The following SDK2 variants were observed in gnomAD, a reference collection of about 807,000 sequenced individuals.
SDK2 encodes protein sidekick-2.
A neutral mutation model predicts 253.9 loss-of-function variants in SDK2; 105 were observed. That is an observed-to-expected ratio of 0.41 (90% CI 0.35 to 0.49). SDK2 has a LOEUF of 0.49. Among genes scored for constraint, SDK2 ranks in the 20% least tolerant of loss-of-function variants. The pLI, the probability that SDK2 is intolerant of heterozygous loss-of-function variation, is 0.06. For synonymous variants in SDK2, 1,249 were observed against 1,234.9 expected, an observed-to-expected ratio of 1.01 and a Z score of -0.24; for missense variants, 2,608 against 3,003.0, an observed-to-expected ratio of 0.87 and a Z score of 3.07.
chr17:73,593,670 G>A (rs1205735386), intron 1 of SDK2, among the ~76,000 whole-genome samples: 1 of 152,198 alleles, frequency 6.6e-6, no homozygotes, highest in Non-Finnish European at 1.5e-5. Context: ...ATCAGATTTG[G>A]GGTTTCTGAC....
chr17:73,472,015 G>T (rs2063654455), intron 3 of SDK2, 97 bp downstream of exon 3: 2 of 876,528 alleles, frequency 2.3e-6, no homozygotes, highest in South Asian at 1.6e-5. Flanking sequence ...GGTGTTGATG[G>T]CCATGACGGG....
At position 73,466,968 on chromosome 17, in the gene SDK2, C is replaced by T. The variant is rs561938324; in HGVS notation, c.331+5144G>A. 2.0e-5 allele frequency among the ~76,000 whole-genome samples: 3 copies of T among 152,268 alleles called. No homozygotes were observed. In the South Asian group the frequency reaches 6.2e-4, roughly 32 times the overall value. Reference sequence around the variant, plus strand: ...AATCCACGCTTTCGGACCTCCATCCCCAAGACATGCCGTTATTTCAGGCAC... The same window carrying T: ...AATCCACGCTTTCGGACCTCCATCCTCAAGACATGCCGTTATTTCAGGCAC... On this transcript the variant is annotated intron_variant, in intron 3 of 44. Transcript: ENST00000392650.
At chr17:73,393,880 AT>A in intron 26 of SDK2, 131 bp from the exon 27 acceptor site, 3 of 684,354 alleles carry the variant, frequency 4.4e-6, no homozygotes, top group Non-Finnish European at 2.3e-6. Flanking sequence ...GGGCTGGACC[AT>A]GTGGCTAGGC....
intron 5 of SDK2, among the ~76,000 whole-genome samples, chr17:73,445,058 C>T (rs1210992096): frequency 6.6e-6 from 1 of 152,184 alleles, no homozygotes; most frequent in Non-Finnish European, 1.5e-5. Flanking sequence ...CTTATGCATA[C>T]GACTCTACTT....
chr17:73,424,739 C>T lies in SDK2; in HGVS notation c.1584-647G>A, dbSNP rs960811019. Among the ~76,000 whole-genome samples, 6 of 152,310 alleles carry T rather than the reference C, an allele frequency of 3.9e-5. No individual in the cohort carries two copies. In the East Asian group the frequency reaches 1.2e-3, roughly 29 times the overall value. ...CAGGATGCCACACAATGAACCCAGG[C>T]GAGGTTGGCCTTGGTTCTCAGTACA... On this transcript the variant is annotated intron_variant, in intron 12 of 44. Transcript: ENST00000392650.
rs1235771904 is a variant in SDK2, at chr17:73,639,383, G to T, written c.64+4642C>A. On this transcript the variant is annotated intron_variant, in intron 1 of 44. Coordinates refer to ENST00000392650, the MANE Select transcript of SDK2 (RefSeq NM_001144952.2). This position sits in a 1 kb window ranked among gnomAD's most constrained non-coding sequence, Gnocchi z 4.3. The stretch of plus-strand genomic sequence containing the variant: ...ATGCTGAGCATCCCTGCTCAACGCT[G>T]CTCACTGGCTCTGCCTCCTGCCCAG... Among the ~76,000 whole-genome samples the T allele has an allele frequency of 1.3e-5, 2 of 152,192 alleles. No individual in the cohort carries two copies. Among genetic ancestry groups the T allele is most frequent in the Non-Finnish European group, 2.9e-5 (2 of 68,032 alleles).
intron 18 of SDK2, among the ~76,000 whole-genome samples, chr17:73,409,815 C>A (rs1258986710): frequency 7.2e-6 from 1 of 138,378 alleles, no homozygotes; most frequent in East Asian, 2.2e-4. Context: ...AAAAATAATA[C>A]ATTCTCTCTC....
chr17:73,439,727 G>T (rs577951578), intron 6 of SDK2, among the ~76,000 whole-genome samples: 12 of 152,198 alleles, frequency 7.9e-5, no homozygotes, highest in African/African-American at 2.9e-4. Context: ...TGCGCCTTCC[G>T]CTGGGGTTGG....
At chr17:73,556,643 T>G (rs145810794) in intron 1 of SDK2, among the ~76,000 whole-genome samples, 8 of 152,378 alleles carry the variant, frequency 5.3e-5, no homozygotes, top group Admixed American at 2.0e-4. Flanking sequence ...ATTGTATGGT[T>G]GTTACCATTT....
chr17:73,581,276 C>T (rs1292613517), intron 1 of SDK2, among the ~76,000 whole-genome samples: 1 of 152,316 alleles, frequency 6.6e-6, no homozygotes, highest in African/African-American at 2.4e-5. Flanking sequence ...CCCAAGTTCA[C>T]TTTACACTGG....
chr17:73,433,693 A>G (rs1239293561), intron 10 of SDK2, 39 bp downstream of exon 10: 1 of 1,455,844 alleles, frequency 6.9e-7, no homozygotes, highest in Non-Finnish European at 9.5e-7. Flanking sequence ...CTTCTAGGCT[A>G]TCACCCAGCC....
At position 73,398,363 on chromosome 17, in the gene SDK2, G is replaced by A. The variant is rs200483752; in HGVS notation, c.3160C>T (p.Arg1054Cys). 128 of 1,613,972 alleles carry A rather than the reference G, an allele frequency of 7.9e-5. 1 individual carries two copies. The highest frequency in any genetic ancestry group is 7.5e-5 in the Non-Finnish European group (88 of 1,179,876). Residue 1054 changes from arginine to cysteine, a missense_variant, in exon 23 of 45, where the codon CGC (arginine) becomes TGC (cysteine). Physicochemically the swap from Arg to Cys is radical, Grantham distance 180. Coordinates refer to ENST00000392650, the MANE Select transcript of SDK2 (RefSeq NM_001144952.2). ...TTGAGGTCGGGCACCTCCATGGAGC[G>A]GGCATCGGGCTCATTGGAGAGCTGG... ...IHQLSNEPDA[R>C]SMEVPDLNPF... is the part of the protein sequence containing the mutation.
chr17:73,361,563 G>A lies in SDK2; in HGVS notation c.5467+121C>T. 1 of 994,126 alleles carries A rather than the reference G, an allele frequency of 1.0e-6. No homozygotes were observed. Among genetic ancestry groups the A allele is most frequent in the South Asian group, 1.8e-5 (1 of 54,846 alleles). 61.6% of individuals were successfully genotyped at this position (994,126 alleles called of 1,614,324 possible). A position where few individuals can be genotyped will look rare whatever the true frequency, so the allele number is the denominator to read the frequency against. On this transcript the variant is annotated intron_variant, in intron 39 of 44. Transcript: ENST00000392650. The surrounding 1 kb of genome is among the most constrained non-coding windows in gnomAD (Gnocchi z 4.1). ...GGGTCACTGGGCACCAGGGGAAAGA[G>A]TGAGCTCTGTCCTCCACTCTGTTTC...
chr17:73,412,116 G>GTATATATGTATACGTATA (rs1295677808), intron 18 of SDK2, among the ~76,000 whole-genome samples: 1 of 50,568 alleles, frequency 2.0e-5, no homozygotes, highest in Admixed American at 2.3e-4. Context: ...ACGTATATAT[G>GTATATATGTATACGTATA]TATACGTATA....
chr17:73,415,808 T>C lies in SDK2; in HGVS notation c.2368+3A>G. ...CTGGTCTGAGACCACAGTCTCTACC[T>C]ACCTCCCTGCAGCGTCCACTCGGTG... On this transcript the variant is annotated splice_donor_region_variant and intron_variant, in intron 17 of 44. Coordinates refer to ENST00000392650, the MANE Select transcript of SDK2 (RefSeq NM_001144952.2). 1 of 1,551,552 alleles carries C rather than the reference T, an allele frequency of 6.4e-7. No homozygotes were observed. The highest frequency in any genetic ancestry group is 1.4e-5 in the African/African-American group (1 of 73,152).
rs141328074 is a variant in SDK2 at position 73,379,527 on chromosome 17, G to A, written c.4785C>T (p.Tyr1595=). The change falls in exon 35 of 45, where the codon TAC becomes TAT. Residue 1595 remains tyrosine, a synonymous_variant. Coordinates refer to ENST00000392650, the MANE Select transcript of SDK2 (RefSeq NM_001144952.2). The surrounding 1 kb of genome is among the most constrained non-coding windows in gnomAD (Gnocchi z 4.5). ...ELDNLNKHRR[Y]EIRMSVYNAV... ...CGTTGTACACGCTCATCCGTATCTC[G>A]TACCGCCTGTGCTTGTTCAGGTCTG... 82 of 1,611,922 alleles carry A rather than the reference G, an allele frequency of 5.1e-5. No individual in the cohort carries two copies. The highest frequency in any genetic ancestry group is 8.0e-5 in the African/African-American group (6 of 74,828).
chr17:73,573,521 C>T (rs1377525982), intron 1 of SDK2, among the ~76,000 whole-genome samples: 4 of 152,096 alleles, frequency 2.6e-5, no homozygotes, highest in Admixed American at 6.5e-5. Flanking sequence ...ACCTTGGAGT[C>T]GTCATTCAGT....
chr17:73,637,153 T>C (rs2046342465), intron 1 of SDK2, among the ~76,000 whole-genome samples: 1 of 152,146 alleles, frequency 6.6e-6, no homozygotes, highest in Non-Finnish European at 1.5e-5. Context: ...TTTAGGAATG[T>C]GCAAGGTAAA....
At chr17:73,630,444 C>T (rs992493141) in intron 1 of SDK2, among the ~76,000 whole-genome samples, 9 of 152,010 alleles carry the variant, frequency 5.9e-5, no homozygotes, top group Non-Finnish European at 1.3e-4. Context: ...GAAAGGGCAC[C>T]CCCTCATCCC....
Sources: gnomAD v4.1 joint callset for allele counts (sites outside exome capture counted in the v4.1 genomes callset) on GRCh38, gnomAD v4.1.1 for gene constraint, Gnocchi (gnomAD v3.1) non-coding constraint, MANE v1.5 for transcripts, NCBI Gene and HGNC (gene_info 2026-07-23, HGNC 2026-07-21) for gene names.